The following MAP3K5 variants were observed in gnomAD, a reference collection of about 807,000 sequenced individuals.
The protein encoded by MAP3K5 is mitogen-activated protein kinase kinase kinase 5.
Under a neutral mutation model 158.7 loss-of-function variants are expected in MAP3K5, and 56 were observed. The ratio of observed to expected loss-of-function variants is 0.35; its 90% CI spans 0.28 to 0.44. The LOEUF is 0.44. Ranked by LOEUF, MAP3K5 falls within the 20% of genes least tolerant of loss-of-function variation. The pLI, the probability that MAP3K5 is intolerant of heterozygous loss-of-function variation, is 1.00. For missense variants in MAP3K5, 1,294 were observed against 1,674.8 expected, an observed-to-expected ratio of 0.77 and a Z score of 3.97; for synonymous variants, 579 against 601.7, an observed-to-expected ratio of 0.96 and a Z score of 0.55.
chr6:136,696,417 AAATGTC>A (rs2114666444), intron 5 of MAP3K5, among the ~76,000 whole-genome samples: 1 of 152,350 alleles, frequency 6.6e-6, no homozygotes, highest in African/African-American at 2.4e-5. Flanking sequence ...AGGGAAATAA[AAATGTC>A]AAGGACATGA....
intron 1 of MAP3K5, among the ~76,000 whole-genome samples, chr6:136,736,191 C>A (rs745954142): frequency 6.6e-6 from 1 of 152,002 alleles, no homozygotes; most frequent in African/African-American, 2.4e-5. Flanking sequence ...TGTGGGTGAG[C>A]GCCTGGGAGC....
rs748378290 is a variant in MAP3K5 at position 136,698,687 on chromosome 6, G to A, written c.613-5C>T. Reference sequence around the variant, plus strand: ...GGTGTAGTTCCCAGTGCACATCTGCGGAGAGAGGAGGCATCGGCAAGTGGG... The same window carrying A: ...GGTGTAGTTCCCAGTGCACATCTGCAGAGAGAGGAGGCATCGGCAAGTGGG... On this transcript the variant is annotated splice_region_variant and splice_polypyrimidine_tract_variant and intron_variant, in intron 3 of 29. Transcript: ENST00000359015. 5.7e-5 allele frequency: 91 copies of A among 1,603,074 alleles called. 1 individual carries two copies. In the South Asian group the frequency reaches 7.6e-4, roughly 13 times the overall value.
Position 136,685,041 on chromosome 6 carries a change from C to T in MAP3K5, c.1253+9099G>A, listed in dbSNP as rs62422104. 8.1e-3 allele frequency among the ~76,000 whole-genome samples: 1,236 copies of T among 152,122 alleles called. 6 individuals are homozygous for T. The highest frequency in any genetic ancestry group is 0.013 in the Non-Finnish European group (862 of 68,002). ...CTTAGAAAAATCTAAACCAGCCAGG[C>T]GCGGTGGCTCACGCCTGTAATCCCA... On this transcript the variant is annotated intron_variant, in intron 7 of 29. Coordinates refer to ENST00000359015, the MANE Select transcript of MAP3K5 (RefSeq NM_005923.4).
intron 21 of MAP3K5, chr6:136,592,885 G>T (rs991075587): frequency 7.7e-6 from 4 of 520,382 alleles, no homozygotes; most frequent in Non-Finnish European, 1.1e-5. Flanking sequence ...AGTTCAGTGG[G>T]TCTACTGAGG....
Position 136,583,802 on chromosome 6 carries a change from C to A in MAP3K5, c.3226-62G>T, listed in dbSNP as rs557996902. 11 of 1,475,084 alleles carry A rather than the reference C, an allele frequency of 7.5e-6. No homozygotes were observed. The Admixed American group carries it at 1.1e-4, about 14-fold the overall frequency. The allele number at this position is 1,475,084 out of a possible 1,614,324, so 91.4% of individuals were successfully genotyped here. On this transcript the variant is annotated intron_variant, in intron 23 of 29. Transcript: ENST00000359015. ...TGCTGGATATACCTGCCATGGTAAT[C>A]CTATCTCCATACCCCCTGCCCCCAC...
At chr6:136,561,795 T>C (rs984155984) in intron 27 of MAP3K5, 150 bp from the exon 28 acceptor site, 14 of 549,698 alleles carry the variant, frequency 2.5e-5, no homozygotes. Context: ...GCAGTATAGA[T>C]GATAATATGA....
chr6:136,562,645 G>T (rs1194159271), intron 26 of MAP3K5, 30 bp from the exon 27 acceptor site: 1 of 1,196,096 alleles, frequency 8.4e-7, no homozygotes, highest in East Asian at 2.5e-5. Context: ...TGTTTGACAG[G>T]AGGTGACACA....
At chr6:136,753,567 G>A (rs1160245253) in intron 1 of MAP3K5, among the ~76,000 whole-genome samples, 4 of 152,024 alleles carry the variant, frequency 2.6e-5, no homozygotes, top group Non-Finnish European at 5.9e-5. Flanking sequence ...CTTTAAAAAG[G>A]CATGGTATTA....
chr6:136,593,488 C>T (rs1423542882), intron 21 of MAP3K5, among the ~76,000 whole-genome samples: 1 of 152,126 alleles, frequency 6.6e-6, no homozygotes, highest in Non-Finnish European at 1.5e-5. Context: ...AGTCCACCAG[C>T]CACAGTTACT....
chr6:136,778,993 T>C (rs2115031886), intron 1 of MAP3K5, among the ~76,000 whole-genome samples: 1 of 152,126 alleles, frequency 6.6e-6, no homozygotes, highest in Non-Finnish European at 1.5e-5. Context: ...TGGTGAGACC[T>C]TGTCTCTACA....
chr6:136,655,666 G>A (rs1484639161), intron 10 of MAP3K5, among the ~76,000 whole-genome samples: 1 of 152,066 alleles, frequency 6.6e-6, no homozygotes. Context: ...ACCATCCAGA[G>A]GGGCATGGCA....
At chr6:136,704,034 ATTC>A (rs1323773329) in intron 3 of MAP3K5, among the ~76,000 whole-genome samples, 3 of 152,032 alleles carry the variant, frequency 2.0e-5, no homozygotes, top group Admixed American at 6.6e-5. Flanking sequence ...TTATATTATA[ATTC>A]TTCTTCACGC....
At chr6:136,730,535 C>T (rs1782175854) in intron 1 of MAP3K5, among the ~76,000 whole-genome samples, 1 of 151,742 alleles carries the variant, frequency 6.6e-6, no homozygotes. Context: ...TCCTGGCTAA[C>T]ACAGTAAAAC....
chr6:136,561,528 T>TA lies in MAP3K5; in HGVS notation c.3987+4_3987+5insT, dbSNP rs747578926. ...AATACTTGTCCCACAGACAGTTTTC[T>TA]TTACCCGGCTTATAGTGTCTTCATC... On this transcript the variant is annotated splice_donor_region_variant and intron_variant, in intron 28 of 29. Coordinates refer to ENST00000359015, the MANE Select transcript of MAP3K5 (RefSeq NM_005923.4). 3 of 1,600,628 alleles carry TA rather than the reference T, an allele frequency of 1.9e-6. No homozygotes were observed. The Admixed American group carries it at 5.0e-5, about 27-fold the overall frequency.
chr6:136,753,571 G>C (rs1003285812), intron 1 of MAP3K5, among the ~76,000 whole-genome samples: 2 of 151,892 alleles, frequency 1.3e-5, no homozygotes, highest in South Asian at 4.2e-4. Flanking sequence ...AAAAAGGCAT[G>C]GTATTAAATT....
chr6:136,787,588 G>A (rs1050147288), intron 1 of MAP3K5, among the ~76,000 whole-genome samples: 1 of 152,202 alleles, frequency 6.6e-6, no homozygotes, highest in Non-Finnish European at 1.5e-5. Flanking sequence ...TGAAAATGCT[G>A]TTCTAATGCT....
chr6:136,627,289 A>C (rs1355468615), intron 14 of MAP3K5, among the ~76,000 whole-genome samples: 1 of 152,172 alleles, frequency 6.6e-6, no homozygotes, highest in Non-Finnish European at 1.5e-5. Context: ...TGCAAAAAAA[A>C]AGTTCAGAGG....
chr6:136,637,050 C>A, intron 14 of MAP3K5: 1 of 1,248,680 alleles, frequency 8.0e-7, no homozygotes, highest in African/African-American at 1.5e-5. Flanking sequence ...GTAAGGACAC[C>A]GTGGCCCATG....
At chr6:136,727,800 A>T (rs1293342142) in intron 1 of MAP3K5, among the ~76,000 whole-genome samples, 1 of 108,536 alleles carries the variant, frequency 9.2e-6, no homozygotes, top group East Asian at 2.6e-4. Flanking sequence ...CTCTACTAAA[A>T]ATACAAAAAA....
Sources: gnomAD v4.1 joint callset for allele counts (sites outside exome capture counted in the v4.1 genomes callset) on GRCh38, gnomAD v4.1.1 for gene constraint, MANE v1.5 for transcripts, NCBI Gene and HGNC (gene_info 2026-07-23, HGNC 2026-07-21) for gene names.